The following DOK5 variants were observed in gnomAD, a reference collection of about 807,000 sequenced individuals.
DOK5 encodes the protein docking protein 5.
DOK5 carries 27 observed loss-of-function variants against 43.3 expected under a neutral mutation model. The ratio of observed to expected loss-of-function variants is 0.62; its 90% CI spans 0.46 to 0.86. The LOEUF (loss-of-function observed/expected upper bound fraction) is 0.86. Among genes scored for constraint, DOK5 ranks in the 40% least tolerant of loss-of-function variants. The pLI, the probability that DOK5 is intolerant of heterozygous loss-of-function variation, is 0.00. For missense variants in DOK5, 373 were observed against 392.9 expected (o/e 0.95, Z 0.43); for synonymous variants, 146 against 140.1 (o/e 1.04, Z -0.30).
At chr20:54,626,478 A>G (rs1987134863) in intron 6 of DOK5, among the ~76,000 whole-genome samples, 1 of 151,322 alleles carries the variant, frequency 6.6e-6, no homozygotes, top group African/African-American at 2.4e-5. Flanking sequence ...TGTCTGTAAA[A>G]TTTAACTAAC....
chr20:54,524,451 G>A (rs1308131905), intron 1 of DOK5, among the ~76,000 whole-genome samples: 1 of 152,150 alleles, frequency 6.6e-6, no homozygotes, highest in Non-Finnish European at 1.5e-5. Context: ...CTGACCACAG[G>A]CTCCTCTCGA....
At chr20:54,539,168 T>C (rs994163224) in intron 1 of DOK5, among the ~76,000 whole-genome samples, 1 of 150,576 alleles carries the variant, frequency 6.6e-6, no homozygotes, top group African/African-American at 2.4e-5. Flanking sequence ...CCTGCGCCTG[T>C]AGTCCCAGCT....
At chr20:54,612,119 T>C (rs1026631357) in intron 6 of DOK5, among the ~76,000 whole-genome samples, 1 of 152,266 alleles carries the variant, frequency 6.6e-6, no homozygotes, top group Non-Finnish European at 1.5e-5. Flanking sequence ...GAAATATTAC[T>C]CTTCTGTTGA....
chr20:54,506,533 T>G (rs1275920176), intron 1 of DOK5, among the ~76,000 whole-genome samples: 1 of 152,202 alleles, frequency 6.6e-6, no homozygotes, highest in East Asian at 1.9e-4. Context: ...CTATCATGGC[T>G]CACCGCAGCC....
At chr20:54,622,213 A>T (rs897788013) in intron 6 of DOK5, among the ~76,000 whole-genome samples, 5 of 151,286 alleles carry the variant, frequency 3.3e-5, no homozygotes, top group Admixed American at 1.3e-4. Context: ...AAAAATAAAA[A>T]AAATAAAATA....
chr20:54,485,307 C>A (rs899119840), intron 1 of DOK5, among the ~76,000 whole-genome samples: 1 of 148,068 alleles, frequency 6.8e-6, no homozygotes, highest in South Asian at 2.1e-4. Context: ...GAGCTGAGAT[C>A]GTGCCATTGC....
intron 6 of DOK5, among the ~76,000 whole-genome samples, chr20:54,613,204 C>T (rs1356819107): frequency 1.5e-4 from 22 of 151,496 alleles, no homozygotes; most frequent in Non-Finnish European, 2.6e-4. Flanking sequence ...CTCTCTCTCT[C>T]TCTCTCTCTC....
chr20:54,576,711 G>T (rs1242961974), intron 2 of DOK5, among the ~76,000 whole-genome samples: 1 of 152,174 alleles, frequency 6.6e-6, no homozygotes, highest in Non-Finnish European at 1.5e-5. Flanking sequence ...GTGGCAGCCT[G>T]CGTGGGCTTT....
At chr20:54,619,208 G>C (rs1281871538) in intron 6 of DOK5, among the ~76,000 whole-genome samples, 1 of 150,108 alleles carries the variant, frequency 6.7e-6, no homozygotes, top group Non-Finnish European at 1.5e-5. Flanking sequence ...CACTCTAAAG[G>C]GGGTGCTGGA....
Position 54,643,500 on chromosome 20 carries a change from A to G in DOK5, c.778A>G (p.Met260Val), listed in dbSNP as rs750813660. 1.2e-6 allele frequency: 2 copies of G among 1,613,700 alleles called. No homozygotes were observed. The highest frequency in any genetic ancestry group is 1.1e-5 in the South Asian group (1 of 91,084). The change falls in exon 7 of 8, where the codon ATG becomes GTG. Residue 260 changes from methionine to valine, a missense_variant. Coordinates refer to ENST00000262593, the MANE Select transcript of DOK5 (RefSeq NM_018431.5). ...TGAGCGGGCCGCCTCGCTGAGCACC[A>G]TGGTGCCCCTGCCTCGCAGCGCCTA... Reference protein sequence around the residue: ...MSERAASLSTMVPLPRSAYWQ... With the variant: ...MSERAASLSTVVPLPRSAYWQ...
rs577131573 is a variant in DOK5 at position 54,518,579 on chromosome 20, A to G, written c.67-36354A>G. Among the ~76,000 whole-genome samples the G allele has an allele frequency of 3.9e-5, 6 of 152,308 alleles. No homozygotes were observed. The South Asian group carries it at 1.2e-3, about 32-fold the overall frequency. On this transcript the variant is annotated intron_variant, in intron 1 of 7. Coordinates refer to ENST00000262593, the MANE Select transcript of DOK5 (RefSeq NM_018431.5). ...TTGCTATTGTGAATAGTGCCGCAAT[A>G]AACATACATGTGCATGTGTCTTTAT...
chr20:54,610,668 G>A (rs1986617745), intron 6 of DOK5, 145 bp downstream of exon 6: 3 of 1,003,800 alleles, frequency 3.0e-6, no homozygotes, highest in East Asian at 3.2e-5. Context: ...GGATTAAATG[G>A]CATTCCAGAA....
At chr20:54,573,098 A>G (rs1985343331) in intron 2 of DOK5, among the ~76,000 whole-genome samples, 1 of 152,214 alleles carries the variant, frequency 6.6e-6, no homozygotes, top group Non-Finnish European at 1.5e-5. Flanking sequence ...TGTTACTGAT[A>G]AATGCCAAAG....
rs73913621 is a variant in DOK5, at chr20:54,602,591, A to G, written c.600-7797A>G. 5.0e-3 allele frequency among the ~76,000 whole-genome samples: 754 copies of G among 152,306 alleles called. 12 individuals carry two copies. Among genetic ancestry groups the G allele is most frequent in the African/African-American group, 0.017 (724 of 41,556 alleles). ...CTGACACACATCTCTAAAACTTTCT[A>G]ATGTACCTGTGTTACTAAGAAGTGA... On this transcript the variant is annotated intron_variant, in intron 5 of 7. Transcript: ENST00000262593.
At chr20:54,515,210 A>T (rs547225663) in intron 1 of DOK5, among the ~76,000 whole-genome samples, 1 of 152,116 alleles carries the variant, frequency 6.6e-6, no homozygotes, top group South Asian at 2.1e-4. Context: ...CGGGGGTTTC[A>T]CTATGTTGGC....
intron 2 of DOK5, among the ~76,000 whole-genome samples, chr20:54,581,703 A>G (rs115596428): frequency 4.6e-5 from 7 of 152,130 alleles, no homozygotes; most frequent in African/African-American, 1.7e-4. Flanking sequence ...TTGTTAGTGT[A>G]TAGAAATACA....
intron 2 of DOK5, among the ~76,000 whole-genome samples, chr20:54,579,792 A>G (rs563228281): frequency 8.6e-5 from 13 of 151,952 alleles, no homozygotes; most frequent in African/African-American, 2.9e-4. Context: ...CTTTTTTTAT[A>G]TATATATACT....
intron 6 of DOK5, among the ~76,000 whole-genome samples, chr20:54,627,066 G>C (rs1978333790): frequency 6.6e-6 from 1 of 152,096 alleles, no homozygotes; most frequent in Non-Finnish European, 1.5e-5. Flanking sequence ...CTTTTTGATG[G>C]CTGCATGATA....
At chr20:54,632,975 G>T (rs1161402783) in intron 6 of DOK5, among the ~76,000 whole-genome samples, 2 of 152,138 alleles carry the variant, frequency 1.3e-5, no homozygotes, top group East Asian at 3.9e-4. Flanking sequence ...TTCTCCTGAG[G>T]CAGGAGAATC....
Sources: gnomAD v4.1 joint callset for allele counts (sites outside exome capture counted in the v4.1 genomes callset) on GRCh38, gnomAD v4.1.1 for gene constraint, MANE v1.5 for transcripts, NCBI Gene and HGNC (gene_info 2026-07-23, HGNC 2026-07-21) for gene names.